Variants in FGF13 observed in about 807,000 individuals in gnomAD.
FGF13 encodes fibroblast growth factor homologous factor 2.
Under a neutral mutation model 19.5 loss-of-function variants are expected in FGF13, and 2 were observed. The ratio of observed to expected loss-of-function variants is 0.10; its 90% CI spans 0.04 to 0.32. FGF13 has a LOEUF of 0.32. Among genes scored for constraint, FGF13 ranks in the 10% least tolerant of loss-of-function variants. The pLI, the probability that FGF13 is intolerant of heterozygous loss-of-function variation, is 1.00. For synonymous variants in FGF13, 72 were observed against 76.9 expected (o/e 0.94, Z 0.33); for missense variants, 113 against 192.7 (o/e 0.59, Z 2.45).
At chrX:138,966,816 ATCT>A (rs1225995699) in intron 1 of FGF13, among the ~76,000 whole-genome samples, 1 of 111,320 alleles carries the variant, frequency 9.0e-6, no homozygotes, top group Non-Finnish European at 1.9e-5. Context: ...AATTGTAATA[ATCT>A]TCTTCTGTCA....
intron 3 of FGF13, among the ~76,000 whole-genome samples, chrX:138,852,300 T>C (rs2091227791): frequency 9.0e-6 from 1 of 111,536 alleles, no homozygotes; most frequent in Non-Finnish European, 1.9e-5. Context: ...GGCATCACAC[T>C]ACCTGACTTC....
intron 1 of FGF13, among the ~76,000 whole-genome samples, chrX:138,979,260 G>A (rs1056606549): frequency 5.4e-5 from 6 of 111,841 alleles, no homozygotes; most frequent in Non-Finnish European, 9.4e-5. Context: ...CACATTAGTT[G>A]GGAAATGAAA....
intron 1 of FGF13, among the ~76,000 whole-genome samples, chrX:139,161,496 C>T (rs944565438): frequency 6.6e-5 from 7 of 106,534 alleles, no homozygotes; most frequent in African/African-American, 2.3e-4. Flanking sequence ...GGCCACAAGA[C>T]AATATACTCT....
At chrX:139,115,807 T>A (rs1272480367) in intron 1 of FGF13, among the ~76,000 whole-genome samples, 1 of 112,933 alleles carries the variant, frequency 8.9e-6, no homozygotes, top group Non-Finnish European at 1.9e-5. Context: ...TCTTCTCAAC[T>A]AGAAACGTGA....
chrX:138,781,233 A>G (rs1362797521), intron 3 of FGF13, among the ~76,000 whole-genome samples: 1 of 109,870 alleles, frequency 9.1e-6, no homozygotes, highest in Non-Finnish European at 1.9e-5. Context: ...AAAAATTGAC[A>G]CCCTAACATC....
chrX:138,865,450 C>CCTCTCT (rs370662542), intron 1 of FGF13, among the ~76,000 whole-genome samples: 22 of 89,252 alleles, frequency 2.5e-4, no homozygotes, highest in African/African-American at 6.8e-4. Flanking sequence ...CTCTCTCTCT[C>CCTCTCT]CTCTCTCTCT....
chrX:139,150,987 G>A (rs2083930225), intron 1 of FGF13, among the ~76,000 whole-genome samples: 2 of 110,058 alleles, frequency 1.8e-5, no homozygotes, highest in African/African-American at 6.6e-5. Flanking sequence ...GCTCTCCTGG[G>A]CCCCGTATGT....
At chrX:139,026,842 C>A (rs1253814914) in intron 1 of FGF13, among the ~76,000 whole-genome samples, 1 of 112,063 alleles carries the variant, frequency 8.9e-6, no homozygotes, top group Non-Finnish European at 1.9e-5. Context: ...CACCTTGGCA[C>A]ACTCCTTTAT....
intron 1 of FGF13, among the ~76,000 whole-genome samples, chrX:139,003,965 G>T (rs925206893): frequency 8.9e-6 from 1 of 112,611 alleles, no homozygotes; most frequent in African/African-American, 3.2e-5. Context: ...TGGCTTCACC[G>T]AGTGGATCCT....
intron 1 of FGF13, among the ~76,000 whole-genome samples, chrX:139,007,959 A>G (rs901327389): frequency 3.5e-5 from 4 of 112,928 alleles, no homozygotes; most frequent in Admixed American, 2.8e-4. Flanking sequence ...TTGTGGGGGC[A>G]TAGTGGGAGT....
chrX:139,161,627 A>G (rs752462861), intron 1 of FGF13, among the ~76,000 whole-genome samples: 1 of 112,262 alleles, frequency 8.9e-6, no homozygotes, highest in South Asian at 3.7e-4. Flanking sequence ...TATGCACATG[A>G]CATGATTGTA....
In FGF13 at chrX:138,787,949, T is replaced by TCATTG. The variant is rs766647178; in HGVS notation, c.217+69558_217+69562dup. On this transcript the variant is annotated intron_variant, in intron 3 of 6. Transcript: ENST00000436198. ...TTTTGGGAGGATGAAAACATTCAGT[T>TCATTG]CATTGCATTCCAATCTGGCTTCCCA... is the stretch of plus-strand genomic sequence containing the variant. Among the ~76,000 whole-genome samples, 5 of 111,940 alleles carry TCATTG rather than the reference T, an allele frequency of 4.5e-5. No homozygotes were observed. In the Admixed American group the frequency reaches 4.8e-4, roughly 11 times the overall value.
At chrX:139,052,454 G>A (rs953969850) in intron 1 of FGF13, among the ~76,000 whole-genome samples, 1 of 111,541 alleles carries the variant, frequency 9.0e-6, no homozygotes, top group Non-Finnish European at 1.9e-5. Context: ...TTTTTAAGAT[G>A]AGGAAACAAA....
chrX:138,793,937 T>C (rs779638215), intron 3 of FGF13, among the ~76,000 whole-genome samples: 9 of 112,145 alleles, frequency 8.0e-5, no homozygotes, highest in Non-Finnish European at 1.5e-4. Context: ...TGGTAGTTGC[T>C]GCTCCATTCA....
chrX:138,947,627 A>G (rs780677102), intron 1 of FGF13, among the ~76,000 whole-genome samples: 1 of 111,623 alleles, frequency 9.0e-6, no homozygotes, highest in South Asian at 3.8e-4. Context: ...TTCTCTGTGT[A>G]TACTACGAGG....
intron 1 of FGF13, among the ~76,000 whole-genome samples, chrX:138,975,038 C>T (rs547217161): frequency 8.9e-6 from 1 of 112,712 alleles, no homozygotes; most frequent in South Asian, 3.7e-4. Context: ...TTCTGGGACA[C>T]TTTGATGGTT....
At chrX:138,962,348 G>T (rs757513109) in intron 1 of FGF13, among the ~76,000 whole-genome samples, 1 of 111,863 alleles carries the variant, frequency 8.9e-6, no homozygotes, top group Non-Finnish European at 1.9e-5. Flanking sequence ...GGAAACAACA[G>T]GTGCTGGAGA....
At chrX:138,694,298 T>C (rs1399712412) in intron 3 of FGF13, among the ~76,000 whole-genome samples, 1 of 111,675 alleles carries the variant, frequency 9.0e-6, no homozygotes, top group African/African-American at 3.3e-5. Flanking sequence ...TCGATTTTAT[T>C]GCACCTAAAC....
At chrX:138,839,858 T>A (rs1021173683) in intron 3 of FGF13, among the ~76,000 whole-genome samples, 6 of 112,173 alleles carry the variant, frequency 5.3e-5, no homozygotes, top group Non-Finnish European at 1.1e-4. Context: ...TCACATTATA[T>A]TTTTTAACAC....
Sources: gnomAD v4.1 joint callset for allele counts (sites outside exome capture counted in the v4.1 genomes callset) on GRCh38, gnomAD v4.1.1 for gene constraint, MANE v1.5 for transcripts, NCBI Gene and HGNC (gene_info 2026-07-23, HGNC 2026-07-21) for gene names.